Variants in STK17B observed in about 807,000 individuals in gnomAD.
STK17B encodes the protein serine/threonine-protein kinase 17B.
In STK17B, 21 loss-of-function variants were observed where a neutral mutation model predicts 42.0. That is an observed-to-expected ratio of 0.50 (90% CI 0.35 to 0.72). The LOEUF is 0.72. Ranked by LOEUF, STK17B falls within the 30% of genes least tolerant of loss-of-function variation. STK17B has a pLI of 0.00. For synonymous variants in STK17B, 143 were observed against 148.4 expected (o/e 0.96, Z 0.26); for missense variants, 349 against 446.0 (o/e 0.78, Z 1.96).
chr2:196,170,977 A>AG (rs1163246589), intron 1 of STK17B: 1 of 152,468 alleles, frequency 6.6e-6, no homozygotes, highest in African/African-American at 2.4e-5. Flanking sequence ...CCCGCCGCGA[A>AG]GGGGGCCCTG....
chr2:196,136,060 C>T lies in STK17B; in HGVS notation c.*1387G>A, dbSNP rs573479352. Reference sequence around the variant, plus strand: ...TATTATTAAAGAATTTGGAAACTTACCAAAATTTTGAGAAGTTAAAGGTCT... The same window carrying T: ...TATTATTAAAGAATTTGGAAACTTATCAAAATTTTGAGAAGTTAAAGGTCT... On this transcript the variant is annotated 3_prime_UTR_variant, in exon 8 of 8. Transcript: ENST00000263955. 200 of 152,120 alleles carry T rather than the reference C, an allele frequency of 1.3e-3. 1 individual carries two copies. Among genetic ancestry groups the T allele is most frequent in the African/African-American group, 4.7e-3 (193 of 41,494 alleles). 9.4% of individuals were successfully genotyped at this position (152,120 alleles called of 1,614,324 possible). A position where few individuals can be genotyped will look rare whatever the true frequency, so the allele number is the denominator to read the frequency against.
chr2:196,146,186 G>A, intron 3 of STK17B, 131 bp from the exon 4 acceptor site: 1 of 983,424 alleles, frequency 1.0e-6, no homozygotes, highest in South Asian at 2.4e-5. Context: ...AATAGGGCAG[G>A]GAAGTGAGAG....
At chr2:196,142,493 C>T (rs1422107935) in intron 5 of STK17B, among the ~76,000 whole-genome samples, 1 of 151,822 alleles carries the variant, frequency 6.6e-6, no homozygotes, top group Non-Finnish European at 1.5e-5. Context: ...GCTTTCTAAA[C>T]ATTACCATAT....
intron 2 of STK17B, among the ~76,000 whole-genome samples, chr2:196,157,933 T>C (rs1039739873): frequency 6.6e-6 from 1 of 152,204 alleles, no homozygotes; most frequent in Non-Finnish European, 1.5e-5. Flanking sequence ...AGCCCTTAAA[T>C]AGGAAGTTTT....
intron 5 of STK17B, among the ~76,000 whole-genome samples, chr2:196,141,560 G>A (rs750556608): frequency 1.3e-5 from 2 of 152,208 alleles, no homozygotes; most frequent in African/African-American, 2.4e-5. Flanking sequence ...TCAGGAGGCT[G>A]AGGCAGGAGA....
chr2:196,168,126 G>T (rs1195247670), intron 1 of STK17B, among the ~76,000 whole-genome samples: 1 of 152,138 alleles, frequency 6.6e-6, no homozygotes, highest in Non-Finnish European at 1.5e-5. Flanking sequence ...ATTTTGAACA[G>T]AAAATATAAT....
chr2:196,135,877 C>G lies in STK17B; in HGVS notation c.*1570G>C. The stretch of plus-strand genomic sequence containing the variant: ...AAAGTGTCTAAAGAATGTATTGTAT[C>G]TATCTATAGATATATACATACACCT... On this transcript the variant is annotated 3_prime_UTR_variant, in exon 8 of 8. Coordinates refer to ENST00000263955, the MANE Select transcript of STK17B (RefSeq NM_004226.4). 9.4e-6 allele frequency: 1 copy of G among 106,840 alleles called. No individual in the cohort carries two copies. The highest frequency in any genetic ancestry group is 3.3e-4 in the East Asian group (1 of 3,052). The allele number at this position is 106,840 out of a possible 1,614,324, so 6.6% of individuals were successfully genotyped here. A position where few individuals can be genotyped will look rare whatever the true frequency, so the allele number is the denominator to read the frequency against.
In STK17B at chr2:196,160,073, T is replaced by C. The variant is rs80063530; in HGVS notation, c.122+3189A>G. Among the ~76,000 whole-genome samples the C allele has an allele frequency of 1.3e-3, 205 of 152,372 alleles. 3 individuals are homozygous for C. In the East Asian group the frequency reaches 0.037, roughly 27 times the overall value. ...AGTATAAAAAATGATCTTTAAAATATGTTTCTATTCCAAATGTAATTGAAA... is the reference window on the plus strand; with the variant it reads ...AGTATAAAAAATGATCTTTAAAATACGTTTCTATTCCAAATGTAATTGAAA... On this transcript the variant is annotated intron_variant, in intron 2 of 7. Transcript: ENST00000263955.
intron 3 of STK17B, among the ~76,000 whole-genome samples, chr2:196,146,487 G>A (rs1472470194): frequency 6.6e-6 from 1 of 152,088 alleles, no homozygotes; most frequent in African/African-American, 2.4e-5. Context: ...CTGAGCTACA[G>A]AGCAAGACTC....
chr2:196,152,832 C>G (rs1486386934), intron 3 of STK17B, among the ~76,000 whole-genome samples: 1 of 151,996 alleles, frequency 6.6e-6, no homozygotes, highest in African/African-American at 2.4e-5. Context: ...ATGTGGTTAG[C>G]TACATAGGTA....
At chr2:196,161,366 A>T (rs1261390355) in intron 2 of STK17B, among the ~76,000 whole-genome samples, 1 of 152,084 alleles carries the variant, frequency 6.6e-6, no homozygotes, top group African/African-American at 2.4e-5. Flanking sequence ...CAATTTCTTA[A>T]AAACATTTTA....
At chr2:196,160,490 ACT>A (rs1441312281) in intron 2 of STK17B, among the ~76,000 whole-genome samples, 1 of 152,188 alleles carries the variant, frequency 6.6e-6, no homozygotes, top group Non-Finnish European at 1.5e-5. Context: ...AAACACTAAC[ACT>A]CTGAAATAAA....
At chr2:196,164,821 T>C (rs1322790825) in intron 1 of STK17B, among the ~76,000 whole-genome samples, 1 of 152,208 alleles carries the variant, frequency 6.6e-6, no homozygotes, top group East Asian at 1.9e-4. Flanking sequence ...AAAAATTAAA[T>C]TAAAATTATA....
chr2:196,175,575 G>A (rs917202684), upstream of STK17B, among the ~76,000 whole-genome samples: 2 of 152,194 alleles, frequency 1.3e-5, no homozygotes, highest in Non-Finnish European at 2.9e-5. Context: ...GCAGTTAGCC[G>A]AGATTGTGTA....
At chr2:196,145,874 C>A in intron 4 of STK17B, 37 bp downstream of exon 4, 2 of 1,521,952 alleles carry the variant, frequency 1.3e-6, no homozygotes, top group South Asian at 1.3e-5. Flanking sequence ...AGAAGAAGAA[C>A]ACAGATGTTG....
intron 7 of STK17B, among the ~76,000 whole-genome samples, chr2:196,139,058 C>T (rs1699452614): frequency 6.6e-6 from 1 of 152,006 alleles, no homozygotes; most frequent in African/African-American, 2.4e-5. Context: ...GCTCTGCCTC[C>T]CGGATTCACG....
intron 1 of STK17B, among the ~76,000 whole-genome samples, chr2:196,170,198 T>G (rs1240436432): frequency 1.3e-5 from 2 of 152,180 alleles, no homozygotes; most frequent in Non-Finnish European, 2.9e-5. Context: ...TTTCCTTTAA[T>G]AAAATTGTGC....
intron 3 of STK17B, among the ~76,000 whole-genome samples, chr2:196,149,001 A>G (rs909426777): frequency 2.6e-5 from 4 of 152,172 alleles, no homozygotes; most frequent in African/African-American, 9.7e-5. Flanking sequence ...TTCTACTGTA[A>G]TGTGAATAAT....
chr2:196,161,159 G>A (rs759286897), intron 2 of STK17B, among the ~76,000 whole-genome samples: 17 of 151,944 alleles, frequency 1.1e-4, no homozygotes, highest in Admixed American at 2.6e-4. Context: ...CAGTTTGTTC[G>A]GGAAATTATA....
Sources: gnomAD v4.1 joint callset for allele counts (sites outside exome capture counted in the v4.1 genomes callset) on GRCh38, gnomAD v4.1.1 for gene constraint, MANE v1.5 for transcripts, NCBI Gene and HGNC (gene_info 2026-07-23, HGNC 2026-07-21) for gene names.